The following ZSWIM5 variants were observed in gnomAD, a reference collection of about 807,000 sequenced individuals.
ZSWIM5 encodes zinc finger SWIM-type containing 5, also known as zinc finger SWIM domain-containing protein 5.
Under a neutral mutation model 119.6 loss-of-function variants are expected in ZSWIM5, and 55 were observed. That is an observed-to-expected ratio of 0.46 (90% confidence interval 0.37 to 0.58). The LOEUF (loss-of-function observed/expected upper bound fraction) is 0.58. Ranked by LOEUF, ZSWIM5 falls within the 20% of genes least tolerant of loss-of-function variation. ZSWIM5 has a pLI of 0.00. For synonymous variants in ZSWIM5, 537 were observed against 606.9 expected, an observed-to-expected ratio of 0.88 and a Z score of 1.69; for missense variants, 1,193 against 1,512.8, an observed-to-expected ratio of 0.79 and a Z score of 3.51.
intron 5 of ZSWIM5, among the ~76,000 whole-genome samples, chr1:45,047,455 C>T (rs1645062773): frequency 6.6e-6 from 1 of 152,134 alleles, no homozygotes; most frequent in Non-Finnish European, 1.5e-5. Flanking sequence ...CTCTACCACC[C>T]ATTTCTACCA....
At chr1:45,180,143 G>A (rs1350518683) in intron 1 of ZSWIM5, among the ~76,000 whole-genome samples, 1 of 152,310 alleles carries the variant, frequency 6.6e-6, no homozygotes, top group Admixed American at 6.5e-5. Flanking sequence ...TGACTCACTC[G>A]GGAAGCCCAA....
At chr1:45,176,691 C>T (rs1645983733) in intron 1 of ZSWIM5, among the ~76,000 whole-genome samples, 19 of 152,044 alleles carry the variant, frequency 1.2e-4, no homozygotes, top group Admixed American at 1.2e-3. Context: ...CTCCTCCCTG[C>T]CAATAAGGAC....
At chr1:45,096,286 C>T (rs78016294) in intron 1 of ZSWIM5, among the ~76,000 whole-genome samples, 3,138 of 152,024 alleles carry the variant, frequency 0.021, 113 homozygotes, top group African/African-American at 0.072. Context: ...AACACACACA[C>T]GCACGCACAC....
intron 11 of ZSWIM5, among the ~76,000 whole-genome samples, chr1:45,021,579 C>G (rs12731245): frequency 0.24 from 36,097 of 152,064 alleles, 4,601 homozygotes; most frequent in Admixed American, 0.33. Context: ...TTATAAAGGA[C>G]AAATACATTA....
chr1:45,172,394 T>C (rs538350468), intron 1 of ZSWIM5, among the ~76,000 whole-genome samples: 15 of 152,222 alleles, frequency 9.9e-5, no homozygotes, highest in Non-Finnish European at 1.8e-4. Context: ...CAGAACCAAA[T>C]TAGCAGTGCA....
At chr1:45,190,772 C>A (rs1646086675) in intron 1 of ZSWIM5, among the ~76,000 whole-genome samples, 1 of 151,992 alleles carries the variant, frequency 6.6e-6, no homozygotes, top group Non-Finnish European at 1.5e-5. Flanking sequence ...TACTAGGGAT[C>A]AACATCTGTG....
chr1:45,038,889 C>A (rs779795950), intron 8 of ZSWIM5, 47 bp downstream of exon 8: 7 of 1,608,254 alleles, frequency 4.4e-6, no homozygotes, highest in Non-Finnish European at 5.9e-6. Context: ...AGCCACCATG[C>A]TAACCAACAA....
chr1:45,045,063 TTATC>T (rs1645046120), intron 5 of ZSWIM5, among the ~76,000 whole-genome samples: 2 of 738 alleles, frequency 2.7e-3, no homozygotes, highest in Non-Finnish European at 7.6e-3. Context: ...CACTGGAGTC[TTATC>T]TTACCATGCC....
At chr1:45,066,166 T>G (rs1333070854) in intron 2 of ZSWIM5, among the ~76,000 whole-genome samples, 1 of 152,006 alleles carries the variant, frequency 6.6e-6, no homozygotes, top group Non-Finnish European at 1.5e-5. Flanking sequence ...TCCAGTTTCA[T>G]CCATGTCCCT....
chr1:45,105,923 G>A, intron 1 of ZSWIM5, among the ~76,000 whole-genome samples: 1 of 122,192 alleles, frequency 8.2e-6, no homozygotes, highest in South Asian at 3.1e-4. Context: ...AGGAAGTGAG[G>A]AGCGCCTCTG....
chr1:45,140,275 C>A (rs1411822504), intron 1 of ZSWIM5, among the ~76,000 whole-genome samples: 2 of 152,200 alleles, frequency 1.3e-5, no homozygotes, highest in African/African-American at 4.8e-5. Context: ...ATTCATTTAT[C>A]TATTGTCTAT....
chr1:45,070,312 A>T (rs1645213761), intron 2 of ZSWIM5: 4 of 1,423,318 alleles, frequency 2.8e-6, no homozygotes, highest in Non-Finnish European at 4.0e-6. Context: ...AGGAAGTAAG[A>T]CGCCACCACC....
intron 1 of ZSWIM5, among the ~76,000 whole-genome samples, chr1:45,174,963 T>C (rs1290185125): frequency 2.0e-5 from 3 of 151,752 alleles, no homozygotes; most frequent in South Asian, 4.1e-4. Flanking sequence ...ATCAATACCA[T>C]AACATTATCA....
chr1:45,103,661 A>G (rs1645453332), intron 1 of ZSWIM5, among the ~76,000 whole-genome samples: 1 of 152,232 alleles, frequency 6.6e-6, no homozygotes, highest in Non-Finnish European at 1.5e-5. Flanking sequence ...CAAATGTTCA[A>G]GGTAACTGAA....
rs1644856414 is a variant in ZSWIM5 at position 45,016,765 on chromosome 1, A to G, written c.*1689T>C. The G allele has an allele frequency of 6.6e-6, 1 of 152,262 alleles. No homozygotes were observed. Among genetic ancestry groups the G allele is most frequent in the African/African-American group, 2.4e-5 (1 of 41,454 alleles). 9.4% of individuals were successfully genotyped at this position (152,262 alleles called of 1,614,324 possible). On this transcript the variant is annotated 3_prime_UTR_variant, in exon 14 of 14. Transcript: ENST00000359600. ...GACATGAAACAGTAAACACCAAGACACTGGTTCCAACTGACTTTTCTGAGT... is the reference window on the plus strand; with the variant it reads ...GACATGAAACAGTAAACACCAAGACGCTGGTTCCAACTGACTTTTCTGAGT...
chr1:45,148,289 G>C (rs2149036890), intron 1 of ZSWIM5, among the ~76,000 whole-genome samples: 1 of 152,110 alleles, frequency 6.6e-6, no homozygotes, highest in Non-Finnish European at 1.5e-5. Context: ...TCAAAATTAG[G>C]CCTTCAAAGA....
At position 45,018,900 on chromosome 1, in the gene ZSWIM5, C is replaced by T; in HGVS notation, c.3112G>A (p.Ala1038Thr). 6.2e-7 allele frequency: 1 copy of T among 1,614,194 alleles called. No individual in the cohort carries two copies. Among genetic ancestry groups the T allele is most frequent in the Non-Finnish European group, 8.5e-7 (1 of 1,180,036 alleles). Residue 1038 changes from alanine to threonine, a missense_variant, in exon 14 of 14, where the codon GCC (alanine) becomes ACC (threonine). This residue lies in a region of ZSWIM5 where 961 missense variants were observed against 1,290.0 expected (regional missense o/e 0.74). Transcript: ENST00000359600. This position sits in a 1 kb window ranked among gnomAD's most constrained non-coding sequence, Gnocchi z 6.7. ...CAAGCCCAGAGCACATCATTGATGG[C>T]TGGGTGAGTATCCTGGTTGTAGGCC... ...NLAYNQDTHP[A>T]INDVLWACAL... is the part of the protein sequence containing the mutation.
rs1645343143 is a variant in ZSWIM5 at position 45,088,188 on chromosome 1, T to C, written c.645A>G (p.Pro215=). 3.1e-6 allele frequency: 5 copies of C among 1,613,784 alleles called. No individual in the cohort carries two copies. The South Asian group carries it at 5.5e-5, about 18-fold the overall frequency. ...TVTELATASE[P]AVTYKVAISF... is the part of the protein sequence containing the mutation. ...TGATTGCAACTTTATAAGTCACTGC[T>C]GGTTCAGAGGCAGTGGCCAGCTCAG... Residue 215 remains proline, a synonymous_variant, in exon 2 of 14, where the codon CCA becomes CCG. Transcript: ENST00000359600. The surrounding 1 kb of genome is among the most constrained non-coding windows in gnomAD (Gnocchi z 4.2).
intron 5 of ZSWIM5, among the ~76,000 whole-genome samples, chr1:45,044,790 A>AAT (rs1202407220): frequency 0.051 from 35 of 686 alleles, 9 homozygotes; most frequent in Non-Finnish European, 0.09. Flanking sequence ...TATATATATA[A>AAT]ATATATATAT....
Sources: allele counts gnomAD v4.1 joint callset (sites outside exome capture counted in the v4.1 genomes callset), GRCh38; gene constraint gnomAD v4.1.1; regional missense constraint gnomAD v4.1.1; non-coding constraint Gnocchi (gnomAD v3.1); transcripts MANE v1.5; gene names NCBI Gene and HGNC (gene_info 2026-07-23, HGNC 2026-07-21).